Variants in PI4K2B observed in about 807,000 individuals in gnomAD.
PI4K2B encodes the protein phosphatidylinositol 4-kinase type 2 beta, also known as phosphatidylinositol 4-kinase type 2-beta.
A neutral mutation model predicts 56.6 loss-of-function variants in PI4K2B; 46 were observed. The observed-to-expected ratio is 0.81, with a 90% CI of 0.64 to 1.04. The LOEUF is 1.04. PI4K2B is among the 50% of genes least tolerant of loss of function. The probability of loss-of-function intolerance (pLI) is 0.00; values close to 1 mark genes in which losing one functional copy is unlikely to be tolerated. For synonymous variants in PI4K2B, 211 were observed against 223.8 expected, an observed-to-expected ratio of 0.94 and a Z score of 0.51; for missense variants, 556 against 607.7, an observed-to-expected ratio of 0.91 and a Z score of 0.89.
intron 8 of PI4K2B, 28 bp downstream of exon 8, chr4:25,268,604 C>T (rs761698695): frequency 1.8e-5 from 27 of 1,462,966 alleles, no homozygotes; most frequent in Non-Finnish European, 2.2e-5. Flanking sequence ...TTGATTATTG[C>T]AGAAAATGAA....
rs888587962 is a variant in PI4K2B, at chr4:25,277,384, A to T, written c.*197A>T. Reference sequence around the variant, plus strand: ...ATTTCTATTTCAGGGAAGAAGTGCTATATCTCCTATATTGTATTTTTGTAG... The same window carrying T: ...ATTTCTATTTCAGGGAAGAAGTGCTTTATCTCCTATATTGTATTTTTGTAG... On this transcript the variant is annotated 3_prime_UTR_variant, in exon 10 of 10. Transcript: ENST00000264864. 4 of 463,202 alleles carry T rather than the reference A, an allele frequency of 8.6e-6. No homozygotes were observed. In the South Asian group the frequency reaches 1.8e-4, roughly 20 times the overall value. The allele number at this position is 463,202 out of a possible 1,614,324, so 28.7% of individuals were successfully genotyped here. A position where few individuals can be genotyped will look rare whatever the true frequency, so the allele number is the denominator to read the frequency against.
At chr4:25,275,782 A>C (rs1717071194) in intron 9 of PI4K2B, among the ~76,000 whole-genome samples, 1 of 152,234 alleles carries the variant, frequency 6.6e-6, no homozygotes, top group Non-Finnish European at 1.5e-5. Flanking sequence ...CTGATGTGTT[A>C]AATGCTCCAA....
chr4:25,258,261 G>A (rs1577689616), intron 4 of PI4K2B, among the ~76,000 whole-genome samples: 1 of 144,940 alleles, frequency 6.9e-6, no homozygotes, highest in Middle Eastern at 3.9e-3. Context: ...AGGTTGGAGT[G>A]CAGTGGTGCA....
At chr4:25,266,323 C>G (rs766773065) in intron 7 of PI4K2B, among the ~76,000 whole-genome samples, 28 of 152,210 alleles carry the variant, frequency 1.8e-4, no homozygotes, top group African/African-American at 5.8e-4. Flanking sequence ...CACGCCATCA[C>G]ACTCAGCTAA....
chr4:25,267,803 T>C, intron 7 of PI4K2B: 1 of 977,072 alleles, frequency 1.0e-6, no homozygotes, highest in Non-Finnish European at 1.2e-6. Context: ...ATCTTTTGTC[T>C]CTTAAAATGA....
At chr4:25,243,267 C>A (rs185516522) in intron 1 of PI4K2B, among the ~76,000 whole-genome samples, 2,753 of 152,302 alleles carry the variant, frequency 0.018, 73 homozygotes, top group African/African-American at 0.059. Context: ...ACCCAGGGAA[C>A]CTTCGTCCTC....
chr4:25,234,343 C>T lies in PI4K2B; in HGVS notation c.180C>T (p.Gly60=), dbSNP rs764686506. ...CTGCCGGGGAGGAGGGCGAGGCCGG[C>T]GACGAGGAGCTGCCCCTCCCGCCCG... ...LDAAGEEGEA[G]DEELPLPPGD... Residue 60 remains glycine (G), a synonymous_variant, in exon 1 of 10, where the codon GGC becomes GGT. Coordinates refer to ENST00000264864, the MANE Select transcript of PI4K2B (RefSeq NM_018323.4). 3 of 1,407,310 alleles carry T rather than the reference C, an allele frequency of 2.1e-6. No homozygotes were observed. In the Admixed American group the frequency reaches 8.1e-5, roughly 38 times the overall value. The allele number at this position is 1,407,310 out of a possible 1,614,324, so 87.2% of individuals were successfully genotyped here.
At chr4:25,275,253 C>T (rs1009702843) in intron 9 of PI4K2B, among the ~76,000 whole-genome samples, 1 of 152,238 alleles carries the variant, frequency 6.6e-6, no homozygotes, top group Non-Finnish European at 1.5e-5. Flanking sequence ...CAAAACATTT[C>T]CTTCCTTAGC....
At chr4:25,265,095 C>T (rs376426255) in intron 7 of PI4K2B, among the ~76,000 whole-genome samples, 5 of 144,518 alleles carry the variant, frequency 3.5e-5, no homozygotes, top group Admixed American at 7.3e-5. Flanking sequence ...CTCGGGAGGC[C>T]GAGGCAGGAG....
chr4:25,252,803 G>A (rs76901851), intron 2 of PI4K2B, among the ~76,000 whole-genome samples: 2,329 of 151,972 alleles, frequency 0.015, 59 homozygotes, highest in African/African-American at 0.053. Flanking sequence ...TTGTAGAGAC[G>A]GTGGTCTCCC....
intron 1 of PI4K2B, among the ~76,000 whole-genome samples, chr4:25,241,156 G>C (rs1048200677): frequency 6.6e-6 from 1 of 152,336 alleles, no homozygotes; most frequent in South Asian, 2.1e-4. Context: ...TGCAGCATGG[G>C]CATGTAGGAT....
chr4:25,273,048 G>GT (rs1426744000), intron 9 of PI4K2B, among the ~76,000 whole-genome samples: 2 of 151,896 alleles, frequency 1.3e-5, no homozygotes, highest in Non-Finnish European at 2.9e-5. Context: ...GCCCTAGTTT[G>GT]TAGTAAGCCG....
rs1716422951 is a variant in PI4K2B, at chr4:25,260,595, A to C, written c.978+4A>C. Reference sequence around the variant, plus strand: ...TGAAAAGGAAATTGACCATAAGGTAAGGAAATTTACAATTTTATATATATA... The same window carrying C: ...TGAAAAGGAAATTGACCATAAGGTACGGAAATTTACAATTTTATATATATA... On this transcript the variant is annotated splice_donor_region_variant and intron_variant, in intron 6 of 9. Transcript: ENST00000264864. 3 of 979,788 alleles carry C rather than the reference A, an allele frequency of 3.1e-6. No individual in the cohort carries two copies. Among genetic ancestry groups the C allele is most frequent in the African/African-American group, 1.7e-5 (1 of 57,914 alleles). The allele number at this position is 979,788 out of a possible 1,614,324, so 60.7% of individuals were successfully genotyped here.
intron 1 of PI4K2B, among the ~76,000 whole-genome samples, chr4:25,244,341 A>T (rs927754135): frequency 2.6e-5 from 4 of 152,308 alleles, no homozygotes; most frequent in African/African-American, 9.6e-5. Flanking sequence ...AGGCTAGGAT[A>T]TGGGGGTAAG....
At chr4:25,257,232 A>C (rs995160027) in intron 4 of PI4K2B, among the ~76,000 whole-genome samples, 4 of 150,726 alleles carry the variant, frequency 2.7e-5, no homozygotes, top group Admixed American at 2.6e-4. Flanking sequence ...TAATTAAAAA[A>C]AATTTTTTTT....
chr4:25,252,890 G>T (rs1357397373), intron 2 of PI4K2B, among the ~76,000 whole-genome samples: 1 of 152,178 alleles, frequency 6.6e-6, no homozygotes, highest in Non-Finnish European at 1.5e-5. Context: ...TGAGATTACA[G>T]GTGTGAGCCA....
intron 9 of PI4K2B, among the ~76,000 whole-genome samples, chr4:25,269,495 TG>T (rs1180373701): frequency 4.6e-5 from 7 of 151,596 alleles, no homozygotes; most frequent in Non-Finnish European, 1.0e-4. Flanking sequence ...AAAAATTAGC[TG>T]GGTGTGGTGG....
At chr4:25,252,119 G>GCCCGCC (rs1716081906) in intron 1 of PI4K2B, among the ~76,000 whole-genome samples, 2 of 152,048 alleles carry the variant, frequency 1.3e-5, no homozygotes, top group Non-Finnish European at 2.9e-5. Flanking sequence ...GAGCCACTGT[G>GCCCGCC]CCCGCCCCCG....
rs373699185 is a variant in PI4K2B at position 25,277,002 on chromosome 4, T to C, written c.1273-12T>C. 7.7e-5 allele frequency: 117 copies of C among 1,527,930 alleles called. No individual in the cohort carries two copies. Among genetic ancestry groups the C allele is most frequent in the Non-Finnish European group, 1.0e-4 (113 of 1,126,122 alleles). 94.6% of individuals were successfully genotyped at this position (1,527,930 alleles called of 1,614,324 possible). Reference sequence around the variant, plus strand: ...CTTTTTAAATTGGTAAAAATCTCTCTTCTTCCCACAGATCTTAAACCTTAC... The same window carrying C: ...CTTTTTAAATTGGTAAAAATCTCTCCTCTTCCCACAGATCTTAAACCTTAC... On this transcript the variant is annotated splice_polypyrimidine_tract_variant and intron_variant, in intron 9 of 9. Transcript: ENST00000264864.
Sources: allele counts gnomAD v4.1 joint callset (sites outside exome capture counted in the v4.1 genomes callset), GRCh38; gene constraint gnomAD v4.1.1; transcripts MANE v1.5; gene names NCBI Gene and HGNC (gene_info 2026-07-23, HGNC 2026-07-21).